Variants in S100Z observed in about 807,000 individuals in gnomAD.
The protein encoded by S100Z is S100 calcium binding protein Z, also known as protein S100-Z.
S100Z carries 11 observed loss-of-function variants against 8.5 expected under a neutral mutation model. The observed-to-expected ratio is 1.30, with a 90% confidence interval of 0.82 to 2.15. The LOEUF (loss-of-function observed/expected upper bound fraction) is 2.15. S100Z is among the 30% of genes most tolerant of loss of function. The pLI, the probability that S100Z is intolerant of heterozygous loss-of-function variation, is 0.00. For synonymous variants in S100Z, 34 were observed against 43.8 expected (o/e 0.78, Z 0.89); for missense variants, 126 against 117.9 (o/e 1.07, Z -0.32).
At chr5:76,893,350 C>G (rs992436646) in intron 4 of S100Z, among the ~76,000 whole-genome samples, 2 of 152,062 alleles carry the variant, frequency 1.3e-5, no homozygotes, top group Non-Finnish European at 2.9e-5. Flanking sequence ...AAAAGTTCAG[C>G]CTGGCCAACA....
chr5:76,877,949 G>T (rs1743259854), intron 4 of S100Z, 115 bp downstream of exon 4: 1 of 557,608 alleles, frequency 1.8e-6, no homozygotes, highest in Non-Finnish European at 3.1e-6. Context: ...ATAATATCCA[G>T]TGCATATATT....
rs149364757 is a variant in S100Z at position 76,873,322 on chromosome 5, T to C, written c.-56-1982T>C. On this transcript the variant is annotated intron_variant, in intron 2 of 4. Coordinates refer to ENST00000317593, the MANE Select transcript of S100Z (RefSeq NM_130772.4). ...AATAAAAACTAACAATTTTTTTTTT[T>C]TTTTTGAGACGGAGTCTCACTGTCA... is the stretch of plus-strand genomic sequence containing the variant. Among the ~76,000 whole-genome samples the C allele has an allele frequency of 2.1e-3, 189 of 90,412 alleles. 1 individual carries two copies. Among genetic ancestry groups the C allele is most frequent in the African/African-American group, 0.012 (178 of 15,082 alleles). The allele number at this position is 90,412 out of a possible 152,430, so 59.3% of individuals were successfully genotyped here. A position where few individuals can be genotyped will look rare whatever the true frequency, so the allele number is the denominator to read the frequency against.
intron 4 of S100Z, among the ~76,000 whole-genome samples, chr5:76,892,758 G>A (rs920119577): frequency 2.0e-5 from 3 of 152,206 alleles, no homozygotes; most frequent in African/African-American, 7.2e-5. Context: ...TGTGCTAAAA[G>A]GGGGTAGAGG....
intron 2 of S100Z, among the ~76,000 whole-genome samples, 176 bp downstream of exon 2, chr5:76,870,460 G>T (rs1317226223): frequency 6.6e-6 from 1 of 152,270 alleles, no homozygotes; most frequent in East Asian, 1.9e-4. Flanking sequence ...AACCCCCAAG[G>T]CCTGTGTAGA....
chr5:76,897,546 G>A (rs1426919830), intron 4 of S100Z, among the ~76,000 whole-genome samples: 1 of 151,926 alleles, frequency 6.6e-6, no homozygotes, highest in Non-Finnish European at 1.5e-5. Flanking sequence ...GATAAGGATT[G>A]CATTGAATCC....
intron 4 of S100Z, among the ~76,000 whole-genome samples, chr5:76,905,183 C>G (rs1744382412): frequency 6.6e-6 from 1 of 151,870 alleles, no homozygotes. Flanking sequence ...AAGCTTAATT[C>G]AAGATCACAA....
intron 4 of S100Z, among the ~76,000 whole-genome samples, chr5:76,885,869 G>A (rs1743606339): frequency 6.7e-6 from 1 of 149,020 alleles, no homozygotes; most frequent in South Asian, 2.2e-4. Flanking sequence ...TTGTTCCCCA[G>A]AAAAGTGGAG....
At chr5:76,908,498 T>C (rs1247904947) in intron 4 of S100Z, among the ~76,000 whole-genome samples, 1 of 152,240 alleles carries the variant, frequency 6.6e-6, no homozygotes. Context: ...CCTATGAGAA[T>C]GATTTCTCGT....
At chr5:76,952,793 C>T in the S100Z span, 230 of 268,808 alleles carry the variant, frequency 8.6e-4, no homozygotes, top group African/African-American at 3.9e-3. Flanking sequence ...ACAAAATGCA[C>T]TCCCTTATTC....
chr5:76,906,986 A>G (rs1308233297), intron 4 of S100Z, among the ~76,000 whole-genome samples: 238 of 11,266 alleles, frequency 0.021, 1 homozygote, highest in Non-Finnish European at 0.032. Flanking sequence ...GTATATATAT[A>G]TATATATATA....
intron 1 of S100Z, among the ~76,000 whole-genome samples, chr5:76,850,487 C>A (rs1440405865): frequency 6.6e-6 from 1 of 152,224 alleles, no homozygotes; most frequent in Non-Finnish European, 1.5e-5. Context: ...CTTCACCTCA[C>A]CTTGAGAAAT....
rs1283993513 is a variant in S100Z at position 76,908,856 on chromosome 5, C to G, written c.*3-11861C>G. Among the ~76,000 whole-genome samples the G allele has an allele frequency of 3.3e-5, 5 of 152,268 alleles. No homozygotes were observed. The East Asian group carries it at 9.6e-4, about 29-fold the overall frequency. On this transcript the variant is annotated intron_variant, in intron 4 of 4. Transcript: ENST00000317593. ...TACTAACAGGAGAATGCTTAGGACT[C>G]TAACAGGTTTTCGAGAATGCATCAT...
At chr5:76,872,042 G>C (rs1168486144) in intron 2 of S100Z, among the ~76,000 whole-genome samples, 6 of 152,030 alleles carry the variant, frequency 3.9e-5, no homozygotes, top group African/African-American at 1.4e-4. Context: ...TTTGAGACCA[G>C]CTTGGGCAGC....
intron 4 of S100Z, among the ~76,000 whole-genome samples, chr5:76,919,670 G>A (rs1353847989): frequency 6.7e-6 from 1 of 148,926 alleles, no homozygotes; most frequent in Non-Finnish European, 1.5e-5. Context: ...GTAGGGTAGT[G>A]ATCATATTTC....
the S100Z span, among the ~76,000 whole-genome samples, chr5:76,934,748 T>C: frequency 6.6e-6 from 1 of 152,228 alleles, no homozygotes; most frequent in African/African-American, 2.4e-5. Flanking sequence ...ACACTGAATC[T>C]GCTGGTGTCT....
intron 1 of S100Z, among the ~76,000 whole-genome samples, chr5:76,856,127 C>T (rs1750875665): frequency 1.3e-5 from 2 of 152,164 alleles, no homozygotes; most frequent in Non-Finnish European, 2.9e-5. Flanking sequence ...TTTCCTGAGG[C>T]CTTCTGAGAA....
chr5:76,851,205 A>T (rs946627522), intron 1 of S100Z, among the ~76,000 whole-genome samples: 1 of 152,192 alleles, frequency 6.6e-6, no homozygotes, highest in African/African-American at 2.4e-5. Flanking sequence ...AGGAATGGGC[A>T]GCACAGTGGC....
chr5:76,915,600 T>C lies in S100Z; in HGVS notation c.*3-5117T>C, dbSNP rs2460500. 8.8e-4 allele frequency among the ~76,000 whole-genome samples: 134 copies of C among 151,730 alleles called. 6 individuals carry two copies. In the East Asian group the frequency reaches 0.023, roughly 27 times the overall value. On this transcript the variant is annotated intron_variant, in intron 4 of 4. Transcript: ENST00000317593. ...TCCAGCCTGGGCAACAGAGCGAGAC[T>C]CCGTCTCAAAGAAAATAAATAAATA...
intron 4 of S100Z, among the ~76,000 whole-genome samples, chr5:76,919,304 C>T (rs1189250291): frequency 6.6e-6 from 1 of 152,298 alleles, no homozygotes; most frequent in East Asian, 1.9e-4. Flanking sequence ...TGCATTGCCA[C>T]CAGCAATGAA....
Sources: allele counts gnomAD v4.1 joint callset (sites outside exome capture counted in the v4.1 genomes callset), GRCh38; gene constraint gnomAD v4.1.1; transcripts MANE v1.5; gene names NCBI Gene and HGNC (gene_info 2026-07-23, HGNC 2026-07-21).